The following ATP8B1 variants were observed in gnomAD, a reference collection of about 807,000 sequenced individuals.
ATP8B1 encodes ATPase phospholipid transporting 8B1.
Under a neutral mutation model 149.9 loss-of-function variants are expected in ATP8B1, and 80 were observed. That is an observed-to-expected ratio of 0.53 (90% CI 0.45 to 0.64). ATP8B1 has a LOEUF of 0.64. ATP8B1 is among the 30% of genes least tolerant of loss of function. ATP8B1 has a pLI of 0.00. For synonymous variants in ATP8B1, 536 were observed against 562.8 expected (o/e 0.95, Z 0.67); for missense variants, 1,247 against 1,552.6 (o/e 0.80, Z 3.31).
chr18:57,770,343 C>T (rs979519887), intron 1 of ATP8B1, among the ~76,000 whole-genome samples: 2 of 152,240 alleles, frequency 1.3e-5, no homozygotes, highest in African/African-American at 4.8e-5. Context: ...CAATATTTCA[C>T]ATTTCGGTTA....
At chr18:57,729,704 C>A (rs1344418318) in intron 2 of ATP8B1, among the ~76,000 whole-genome samples, 1 of 152,008 alleles carries the variant, frequency 6.6e-6, no homozygotes, top group Non-Finnish European at 1.5e-5. Context: ...GCACTTGCCA[C>A]CACGCCTGGC....
At chr18:57,658,669 T>A (rs1016092132) in intron 22 of ATP8B1, among the ~76,000 whole-genome samples, 1 of 122,146 alleles carries the variant, frequency 8.2e-6, no homozygotes, top group South Asian at 2.4e-4. Context: ...GTGTGTGTGT[T>A]CTTTTTTGTT....
intron 1 of ATP8B1, among the ~76,000 whole-genome samples, chr18:57,773,211 A>AAAAG (rs1363780924): frequency 1.3e-5 from 2 of 151,270 alleles, no homozygotes; most frequent in Non-Finnish European, 2.9e-5. Context: ...TAAAAAAAAA[A>AAAAG]AAAAAAAGAA....
chr18:57,676,899 C>CTA (rs552267274), intron 15 of ATP8B1, among the ~76,000 whole-genome samples: 172 of 152,220 alleles, frequency 1.1e-3, no homozygotes, highest in Admixed American at 2.6e-3. Context: ...ATAATTGCAA[C>CTA]TATTCAGGAG....
chr18:57,688,729 T>C, intron 12 of ATP8B1: 2 of 557,710 alleles, frequency 3.6e-6, no homozygotes, highest in Non-Finnish European at 6.4e-6. Context: ...GCTCCACCCT[T>C]ATGAATGGGA....
At chr18:57,791,595 C>T (rs2663854) in intron 1 of ATP8B1, among the ~76,000 whole-genome samples, 59,060 of 151,820 alleles carry the variant, frequency 0.39, 15,127 homozygotes, top group African/African-American at 0.73. Context: ...CCCCCAGCCT[C>T]GGCCTCCCAA....
intron 4 of ATP8B1, among the ~76,000 whole-genome samples, chr18:57,703,035 C>A (rs1318824669): frequency 6.6e-6 from 1 of 152,176 alleles, no homozygotes; most frequent in African/African-American, 2.4e-5. Flanking sequence ...CTAACCTCTA[C>A]ACACACCTTT....
chr18:57,679,769 A>G (rs752123675), intron 15 of ATP8B1, among the ~76,000 whole-genome samples: 2 of 152,084 alleles, frequency 1.3e-5, no homozygotes, highest in African/African-American at 2.4e-5. Context: ...GGTTCAAGCA[A>G]TTCTCCTGTC....
chr18:57,653,972 T>C lies in ATP8B1; in HGVS notation c.3015+20A>G, dbSNP rs1191189251. On this transcript the variant is annotated intron_variant, in intron 24 of 27. Transcript: ENST00000648908. Reference sequence around the variant, plus strand: ...ATTCTCATCTGTCCAGAAGTGTCCCTGCTTGTGCGAGGCTCCTACCTGGTC... The same window carrying C: ...ATTCTCATCTGTCCAGAAGTGTCCCCGCTTGTGCGAGGCTCCTACCTGGTC... 11 of 1,599,932 alleles carry C rather than the reference T, an allele frequency of 6.9e-6. No individual in the cohort carries two copies. The South Asian group carries it at 1.2e-4, about 18-fold the overall frequency.
chr18:57,794,798 A>G (rs1179537540), intron 1 of ATP8B1, among the ~76,000 whole-genome samples: 1 of 68,320 alleles, frequency 1.5e-5, no homozygotes, highest in African/African-American at 5.0e-5. Flanking sequence ...CTCAAAAAGA[A>G]AGAAAGAAAG....
intron 2 of ATP8B1, among the ~76,000 whole-genome samples, chr18:57,728,285 A>G (rs1012341949): frequency 2.0e-5 from 3 of 152,196 alleles, no homozygotes; most frequent in African/African-American, 4.8e-5. Flanking sequence ...AGGGTGACTC[A>G]TGTTCTGATG....
At chr18:57,664,402 A>G (rs1910725044) in intron 20 of ATP8B1, among the ~76,000 whole-genome samples, 1 of 147,778 alleles carries the variant, frequency 6.8e-6, no homozygotes, top group Non-Finnish European at 1.5e-5. Context: ...GTTACTTGGG[A>G]GGCTGAGGCA....
chr18:57,698,611 A>T (rs910976750), intron 6 of ATP8B1, among the ~76,000 whole-genome samples: 1 of 152,216 alleles, frequency 6.6e-6, no homozygotes, highest in African/African-American at 2.4e-5. Flanking sequence ...CTGGGATTAT[A>T]GGCATGAGCC....
chr18:57,718,480 G>A (rs1239325035), intron 2 of ATP8B1, among the ~76,000 whole-genome samples: 2 of 152,072 alleles, frequency 1.3e-5, no homozygotes. Flanking sequence ...AAATAAACAG[G>A]AGGAAATACT....
In ATP8B1 at chr18:57,648,780, G is replaced by A. The variant is rs1909374370; in HGVS notation, c.3532-68C>T. ...ACCAGGGAGGAGGCCTGGCCAGACG[G>A]TTGACAGAAATGAACACTGATGAAC... is the stretch of plus-strand genomic sequence containing the variant. On this transcript the variant is annotated intron_variant, in intron 27 of 27. Coordinates refer to ENST00000648908, the MANE Select transcript of ATP8B1 (RefSeq NM_001374385.1). The A allele has an allele frequency of 3.3e-6, 5 of 1,493,694 alleles. No individual in the cohort carries two copies. In the Admixed American group the frequency reaches 7.9e-5, roughly 24 times the overall value. 92.5% of individuals were successfully genotyped at this position (1,493,694 alleles called of 1,614,324 possible). A position where few individuals can be genotyped will look rare whatever the true frequency, so the allele number is the denominator to read the frequency against.
At chr18:57,741,346 C>T (rs2079912204) in intron 1 of ATP8B1, among the ~76,000 whole-genome samples, 1 of 152,204 alleles carries the variant, frequency 6.6e-6, no homozygotes, top group Admixed American at 6.5e-5. Flanking sequence ...TTTCCCCTTC[C>T]TTGCTTTGGT....
chr18:57,785,491 T>C (rs913624224), intron 1 of ATP8B1, among the ~76,000 whole-genome samples: 1 of 152,174 alleles, frequency 6.6e-6, no homozygotes, highest in Non-Finnish European at 1.5e-5. Context: ...TTTGTTGTTG[T>C]TGTTGTTTTG....
chr18:57,735,978 C>T (rs2079850108), intron 1 of ATP8B1, among the ~76,000 whole-genome samples: 6 of 147,874 alleles, frequency 4.1e-5, no homozygotes, highest in East Asian at 2.0e-4. Flanking sequence ...CCCCCCCCAC[C>T]CCCACCCCCA....
At chr18:57,733,288 T>C (rs1230827571) in intron 1 of ATP8B1, among the ~76,000 whole-genome samples, 2 of 152,238 alleles carry the variant, frequency 1.3e-5, no homozygotes, top group African/African-American at 4.8e-5. Flanking sequence ...AAGCACTTTA[T>C]AGACATGTGC....
Sources: allele counts gnomAD v4.1 joint callset (sites outside exome capture counted in the v4.1 genomes callset), GRCh38; gene constraint gnomAD v4.1.1; transcripts MANE v1.5; gene names NCBI Gene and HGNC (gene_info 2026-07-23, HGNC 2026-07-21).